NELL2: variants seen among roughly 807,000 people sequenced by gnomAD.
The protein encoded by NELL2 is protein kinase C-binding protein NELL2.
Under a neutral mutation model 109.6 loss-of-function variants are expected in NELL2, and 41 were observed. The observed-to-expected ratio is 0.37, with a 90% CI of 0.29 to 0.49. NELL2 has a LOEUF of 0.49. Among genes scored for constraint, NELL2 ranks in the 20% least tolerant of loss-of-function variants. The pLI, the probability that NELL2 is intolerant of heterozygous loss-of-function variation, is 0.98. For missense variants in NELL2, 900 were observed against 1,008.3 expected, an observed-to-expected ratio of 0.89 and a Z score of 1.45; for synonymous variants, 355 against 344.7, an observed-to-expected ratio of 1.03 and a Z score of -0.33.
chr12:44,728,680 T>C (rs1939206902), intron 9 of NELL2, among the ~76,000 whole-genome samples: 1 of 151,970 alleles, frequency 6.6e-6, no homozygotes, highest in Non-Finnish European at 1.5e-5. Flanking sequence ...CAAAGACACA[T>C]TATAATCAAA....
Position 44,870,370 on chromosome 12 carries a change from A to C in NELL2, c.184+4855T>G, listed in dbSNP as rs139302550. Among the ~76,000 whole-genome samples the C allele has an allele frequency of 9.0e-3, 1,377 of 152,234 alleles. 25 individuals carry two copies. The highest frequency in any genetic ancestry group is 0.032 in the African/African-American group (1,311 of 41,530). On this transcript the variant is annotated intron_variant, in intron 2 of 19. Transcript: ENST00000429094. The stretch of plus-strand genomic sequence containing the variant: ...GCATCTGCCCATTGCCCAGTTCCAA[A>C]GCCACTTCCATATTTTTTAGGTATT...
At chr12:44,735,018 G>A (rs1485412833) in intron 9 of NELL2, among the ~76,000 whole-genome samples, 1 of 152,052 alleles carries the variant, frequency 6.6e-6, no homozygotes, top group Non-Finnish European at 1.5e-5. Context: ...AAGTTAGTAT[G>A]ATTAGTCTAT....
At chr12:44,541,302 G>T (rs1942559021) in intron 15 of NELL2, among the ~76,000 whole-genome samples, 1 of 141,042 alleles carries the variant, frequency 7.1e-6, no homozygotes, top group South Asian at 2.3e-4. Context: ...TGACAGAACA[G>T]AACCAAAAAT....
At chr12:44,557,888 A>C (rs991751021) in intron 15 of NELL2, among the ~76,000 whole-genome samples, 1 of 152,198 alleles carries the variant, frequency 6.6e-6, no homozygotes, top group Non-Finnish European at 1.5e-5. Flanking sequence ...TAGAAAAAGG[A>C]TTTCAACAAA....
At chr12:44,630,388 C>G (rs1946409784) in intron 13 of NELL2, among the ~76,000 whole-genome samples, 1 of 152,148 alleles carries the variant, frequency 6.6e-6, no homozygotes. Flanking sequence ...TCAAATAGAT[C>G]TGTCAAACTT....
intron 13 of NELL2, among the ~76,000 whole-genome samples, chr12:44,624,415 C>T (rs80113339): frequency 2.0e-4 from 30 of 152,200 alleles, no homozygotes; most frequent in East Asian, 7.7e-4. Flanking sequence ...CTAGGGAAAA[C>T]GCTCACTCTT....
chr12:44,798,719 A>T (rs1323517283), intron 3 of NELL2, among the ~76,000 whole-genome samples: 1 of 152,072 alleles, frequency 6.6e-6, no homozygotes, highest in East Asian at 1.9e-4. Context: ...CACATCTAAA[A>T]TTTTTAAAAA....
chr12:44,621,243 T>G (rs541534826), intron 13 of NELL2, among the ~76,000 whole-genome samples: 1 of 152,258 alleles, frequency 6.6e-6, no homozygotes, highest in East Asian at 1.9e-4. Context: ...CAAAACTCCT[T>G]CAGAAAATTT....
chr12:44,902,806 G>C lies in NELL2; in HGVS notation c.38+10993C>G, dbSNP rs376144095. Among the ~76,000 whole-genome samples, 11 of 152,270 alleles carry C rather than the reference G, an allele frequency of 7.2e-5. No individual in the cohort carries two copies. The South Asian group carries it at 1.7e-3, about 23-fold the overall frequency. ...TGAGAAAAACAAGCAATGGGGAAAG[G>C]ATTCCCTATAAAATAAATGGTGTTG... On this transcript the variant is annotated intron_variant, in intron 1 of 20. Coordinates refer to the NELL2 transcript ENST00000333837.
At chr12:44,810,526 G>T (rs1943140054) in intron 3 of NELL2, among the ~76,000 whole-genome samples, 1 of 151,904 alleles carries the variant, frequency 6.6e-6, no homozygotes, top group Non-Finnish European at 1.5e-5. Context: ...AAAAATAAAG[G>T]TTCATTGAAA....
At chr12:44,744,694 A>G (rs2136509000) in intron 9 of NELL2, among the ~76,000 whole-genome samples, 1 of 152,378 alleles carries the variant, frequency 6.6e-6, no homozygotes, top group East Asian at 1.9e-4. Context: ...AATAAACTAG[A>G]AAATCTAGAA....
chr12:44,813,649 A>G (rs1195904292), intron 3 of NELL2, among the ~76,000 whole-genome samples: 4 of 152,202 alleles, frequency 2.6e-5, no homozygotes, highest in Non-Finnish European at 5.9e-5. Flanking sequence ...ATGGCGTATC[A>G]ATACACATAG....
chr12:44,659,327 A>G (rs568298275), intron 13 of NELL2, among the ~76,000 whole-genome samples: 1 of 152,368 alleles, frequency 6.6e-6, no homozygotes, highest in African/African-American at 2.4e-5. Flanking sequence ...AATGGTAACA[A>G]AAGCCAAAAT....
At chr12:44,686,065 G>T (rs1948706334) in intron 12 of NELL2, among the ~76,000 whole-genome samples, 1 of 152,164 alleles carries the variant, frequency 6.6e-6, no homozygotes, top group Admixed American at 6.5e-5. Flanking sequence ...ATCAGACATA[G>T]ATTTGGTCTT....
At chr12:44,795,050 A>G (rs931589019) in intron 3 of NELL2, among the ~76,000 whole-genome samples, 1 of 152,190 alleles carries the variant, frequency 6.6e-6, no homozygotes, top group African/African-American at 2.4e-5. Context: ...GAAATAGGCA[A>G]CGGTGGCAGG....
chr12:44,583,030 C>G (rs1197315380), intron 15 of NELL2, among the ~76,000 whole-genome samples: 1 of 152,126 alleles, frequency 6.6e-6, no homozygotes, highest in Non-Finnish European at 1.5e-5. Context: ...GACCCCTTGA[C>G]CTTGGACTTC....
chr12:44,879,155 A>C (rs890935533), upstream of NELL2, among the ~76,000 whole-genome samples: 1 of 152,198 alleles, frequency 6.6e-6, no homozygotes, highest in Non-Finnish European at 1.5e-5. Context: ...TGAGACAAGG[A>C]ATATGGGAGG....
intron 15 of NELL2, among the ~76,000 whole-genome samples, chr12:44,605,003 T>A (rs1462036684): frequency 6.6e-6 from 1 of 152,056 alleles, no homozygotes; most frequent in Non-Finnish European, 1.5e-5. Flanking sequence ...ACTTGGTGGA[T>A]AAGGTGGCTA....
At chr12:44,514,710 T>C (rs931564585) in intron 19 of NELL2, among the ~76,000 whole-genome samples, 3 of 151,498 alleles carry the variant, frequency 2.0e-5, no homozygotes, top group African/African-American at 7.3e-5. Context: ...GCTATTACTA[T>C]ATGTGAATAA....
Sources: gnomAD v4.1 joint callset for allele counts (sites outside exome capture counted in the v4.1 genomes callset) on GRCh38, gnomAD v4.1.1 for gene constraint, MANE v1.5 for transcripts, NCBI Gene and HGNC (gene_info 2026-07-23, HGNC 2026-07-21) for gene names.